ANO1: variants seen among roughly 807,000 people sequenced by gnomAD.
ANO1 encodes anoctamin-1.
Under a neutral mutation model 124.0 loss-of-function variants are expected in ANO1, and 59 were observed. The ratio of observed to expected loss-of-function variants is 0.48; its 90% CI spans 0.39 to 0.59. ANO1 has a LOEUF of 0.59. Among genes scored for constraint, ANO1 ranks in the 20% least tolerant of loss-of-function variants. ANO1 has a pLI of 0.00. For synonymous variants in ANO1, 529 were observed against 532.0 expected (o/e 0.99, Z 0.08); for missense variants, 1,059 against 1,328.0 (o/e 0.80, Z 3.15).
In ANO1 at chr11:70,078,654, C is replaced by G; in HGVS notation, c.48C>G (p.Ser16Arg). ...KYSTLPAEDR[S>R]VHIINICAIE... Reference sequence around the variant, plus strand: ...CGACGCTCCCGGCCGAGGACCGCAGCGTCCACATCATCAACATCTGCGCCA... The same window carrying G: ...CGACGCTCCCGGCCGAGGACCGCAGGGTCCACATCATCAACATCTGCGCCA... The change falls in exon 1 of 26, where the codon AGC becomes AGG. Residue 16 changes from serine (S) to arginine (R), a missense_variant. Transcript: ENST00000355303. The G allele has an allele frequency of 1.3e-6, 2 of 1,501,956 alleles. No homozygotes were observed. Among genetic ancestry groups the G allele is most frequent in the Non-Finnish European group, 1.8e-6 (2 of 1,115,272 alleles). 93.0% of individuals were successfully genotyped at this position (1,501,956 alleles called of 1,614,324 possible). A position where few individuals can be genotyped will look rare whatever the true frequency, so the allele number is the denominator to read the frequency against.
intron 1 of ANO1, among the ~76,000 whole-genome samples, chr11:70,049,045 G>A (rs1555005997): frequency 6.6e-6 from 1 of 152,146 alleles, no homozygotes; most frequent in East Asian, 1.9e-4. Context: ...CACAGCAATT[G>A]CCAATGATGC....
chr11:70,066,191 G>A (rs1228243891), intron 1 of ANO1, among the ~76,000 whole-genome samples: 1 of 152,228 alleles, frequency 6.6e-6, no homozygotes, highest in Non-Finnish European at 1.5e-5. Context: ...CAGGTTTGGA[G>A]GTCACTGGAG....
intron 24 of ANO1, among the ~76,000 whole-genome samples, 171 bp from the exon 25 acceptor site, chr11:70,185,419 G>A (rs1245878964): frequency 2.6e-5 from 4 of 152,174 alleles, no homozygotes. Flanking sequence ...TGTGGAGAGA[G>A]ACTCCGTGGG....
In ANO1 at chr11:70,071,780, T is replaced by C. The variant is rs1287400124; in HGVS notation, c.59-6762T>C. ...CTGGGATTATAGGCACGCACCACCA[T>C]GCCTGGCTAATTTTTTTTTTCTTTT... On this transcript the variant is annotated intron_variant, in intron 1 of 27. Coordinates refer to the ANO1 transcript ENST00000531349. Among the ~76,000 whole-genome samples, 8 of 152,146 alleles carry C rather than the reference T, an allele frequency of 5.3e-5. No homozygotes were observed. The East Asian group carries it at 1.5e-3, about 29-fold the overall frequency.
intron 1 of ANO1, among the ~76,000 whole-genome samples, chr11:70,080,295 A>G (rs1202057919): frequency 6.6e-6 from 1 of 152,226 alleles, no homozygotes; most frequent in Non-Finnish European, 1.5e-5. Flanking sequence ...CTGGGAGGAC[A>G]GTTAGGAAGG....
the ANO1 span, among the ~76,000 whole-genome samples, chr11:69,977,365 A>T: frequency 6.6e-6 from 1 of 152,238 alleles, no homozygotes; most frequent in African/African-American, 2.4e-5. Context: ...GTGGTCACGA[A>T]TGGACAAGTC....
intron 25 of ANO1, among the ~76,000 whole-genome samples, chr11:70,185,937 C>T (rs540441873): frequency 1.9e-4 from 29 of 152,260 alleles, no homozygotes; most frequent in Non-Finnish European, 3.2e-4. Context: ...GGATGAGCAC[C>T]GGCAGAAGGG....
intron 10 of ANO1, among the ~76,000 whole-genome samples, chr11:70,130,773 C>T (rs751459703): frequency 3.9e-5 from 6 of 152,166 alleles, no homozygotes; most frequent in Non-Finnish European, 8.8e-5. Flanking sequence ...CCTGGCAGGC[C>T]CCCCCGGCTT....
chr11:70,041,990 G>A (rs1162549583), intron 1 of ANO1, among the ~76,000 whole-genome samples: 1 of 152,052 alleles, frequency 6.6e-6, no homozygotes, highest in Non-Finnish European at 1.5e-5. Context: ...AAGGAACTAG[G>A]GCACCTCAGA....
At chr11:70,053,885 A>G (rs1857391851) in intron 1 of ANO1, among the ~76,000 whole-genome samples, 1 of 152,172 alleles carries the variant, frequency 6.6e-6, no homozygotes, top group Admixed American at 6.5e-5. Flanking sequence ...GTGATTGTTT[A>G]CCTCTTCTTA....
At chr11:70,110,213 G>T (rs896184545) in intron 6 of ANO1, among the ~76,000 whole-genome samples, 2 of 144,304 alleles carry the variant, frequency 1.4e-5, no homozygotes, top group Non-Finnish European at 3.0e-5. Context: ...TTTAGACAGA[G>T]TGTTGCTCTG....
intron 22 of ANO1, among the ~76,000 whole-genome samples, chr11:70,171,755 T>C (rs2048480844): frequency 6.6e-6 from 1 of 152,112 alleles, no homozygotes; most frequent in Non-Finnish European, 1.5e-5. Context: ...TAGCTTGAGC[T>C]CAGGAGTTCA....
At chr11:70,051,780 AT>A (rs1857352819) in intron 1 of ANO1, among the ~76,000 whole-genome samples, 1 of 152,204 alleles carries the variant, frequency 6.6e-6, no homozygotes, top group African/African-American at 2.4e-5. Context: ...TGGCTTACAT[AT>A]TTTGGAGACA....
chr11:70,159,610 G>A (rs766989425), intron 16 of ANO1, among the ~76,000 whole-genome samples: 38 of 152,350 alleles, frequency 2.5e-4, no homozygotes, highest in Non-Finnish European at 5.0e-4. Context: ...TGGGGATGCG[G>A]GGGAGATGGA....
At chr11:69,990,357 T>C (rs1565155245) in intron 1 of ANO1, among the ~76,000 whole-genome samples, 1 of 152,256 alleles carries the variant, frequency 6.6e-6, no homozygotes, top group Non-Finnish European at 1.5e-5. Flanking sequence ...TAATGTTCCA[T>C]TGAATGGATA....
intron 1 of ANO1, among the ~76,000 whole-genome samples, chr11:70,002,840 A>T (rs1856411938): frequency 6.6e-6 from 1 of 152,222 alleles, no homozygotes; most frequent in South Asian, 2.1e-4. Context: ...CTATACCCCT[A>T]ATACCCCAAA....
intron 5 of ANO1, among the ~76,000 whole-genome samples, chr11:70,107,858 C>T (rs1205229496): frequency 1.3e-5 from 2 of 152,200 alleles, no homozygotes; most frequent in African/African-American, 4.8e-5. Flanking sequence ...TGATGGCCGC[C>T]TCCTGCCACC....
intron 1 of ANO1, among the ~76,000 whole-genome samples, chr11:70,019,235 G>A (rs76135392): frequency 8.3e-6 from 1 of 121,162 alleles, no homozygotes; most frequent in Admixed American, 8.9e-5. Context: ...AGGGAAAGAA[G>A]AACCCCCCCA....
the ANO1 span, among the ~76,000 whole-genome samples, chr11:69,977,713 GCTC>G: frequency 2.0e-5 from 3 of 152,258 alleles, no homozygotes; most frequent in Admixed American, 2.0e-4. Flanking sequence ...AATGCAGCCA[GCTC>G]CTCACCAGGG....
Sources: gnomAD v4.1 joint callset for allele counts (sites outside exome capture counted in the v4.1 genomes callset) on GRCh38, gnomAD v4.1.1 for gene constraint, MANE v1.5 for transcripts, NCBI Gene and HGNC (gene_info 2026-07-23, HGNC 2026-07-21) for gene names.